Variants in FAAH2 observed in about 807,000 individuals in gnomAD.
The protein encoded by FAAH2 is fatty acid amide hydrolase 2, also known as fatty-acid amide hydrolase 2.
A neutral mutation model predicts 36.9 loss-of-function variants in FAAH2; 60 were observed. The ratio of observed to expected loss-of-function variants is 1.63; its 90% CI spans 1.32 to 2.02. The LOEUF (loss-of-function observed/expected upper bound fraction) is 2.02, where lower values mean the gene tolerates loss of function less well. FAAH2 is among the 30% of genes most tolerant of loss of function. The probability of loss-of-function intolerance (pLI) is 0.00; values close to 1 mark genes in which losing one functional copy is unlikely to be tolerated. For synonymous variants in FAAH2, 214 were observed against 143.8 expected, an observed-to-expected ratio of 1.49 and a Z score of -3.49; for missense variants, 689 against 397.5, an observed-to-expected ratio of 1.73 and a Z score of -6.23.
At chrX:57,459,283 T>G (rs1464856021) in intron 10 of FAAH2, among the ~76,000 whole-genome samples, 1 of 111,896 alleles carries the variant, frequency 8.9e-6, no homozygotes, top group Non-Finnish European at 1.9e-5. Flanking sequence ...TCTAGATTCC[T>G]CCTCACTGGG....
chrX:57,212,585 A>G, the FAAH2 span, among the ~76,000 whole-genome samples: 1 of 112,895 alleles, frequency 8.9e-6, no homozygotes, highest in Non-Finnish European at 1.9e-5. Flanking sequence ...TATATTTGAA[A>G]TCTTCAATAA....
the FAAH2 span, chrX:57,137,017 T>A: frequency 2.4e-6 from 2 of 843,596 alleles, no homozygotes; most frequent in Non-Finnish European, 2.9e-6. Flanking sequence ...CACTTCCCTG[T>A]TACCTACCTC....
Position 57,482,177 on chromosome X carries a change from C to T in FAAH2, c.1424-6580C>T, listed in dbSNP as rs2057392250. ...AGTGGTTCTTAGCTTGCTGGACTCCCTGGCAGTGGGACCTGCTGAGCAACA... is the reference window on the plus strand; with the variant it reads ...AGTGGTTCTTAGCTTGCTGGACTCCTTGGCAGTGGGACCTGCTGAGCAACA... On this transcript the variant is annotated intron_variant, in intron 10 of 10. Transcript: ENST00000374900. Among the ~76,000 whole-genome samples, 3 of 111,840 alleles carry T rather than the reference C, an allele frequency of 2.7e-5. No homozygotes were observed. In the Admixed American group the frequency reaches 2.9e-4, roughly 11 times the overall value.
the FAAH2 span, among the ~76,000 whole-genome samples, chrX:57,162,970 C>T: frequency 2.7e-5 from 3 of 112,277 alleles, no homozygotes; most frequent in South Asian, 3.7e-4. Context: ...TTCTGTTCTG[C>T]TTTTTCCCCA....
chrX:57,290,354 A>G, intron 1 of FAAH2: 1 of 642,241 alleles, frequency 1.6e-6, no homozygotes, highest in Non-Finnish European at 1.9e-6. Context: ...CTCTGTATAC[A>G]CTAGACTATT....
chrX:57,379,531 G>A (rs866796789), intron 6 of FAAH2, among the ~76,000 whole-genome samples: 1 of 102,589 alleles, frequency 9.7e-6, no homozygotes. Context: ...TGTCTCTCTC[G>A]CTCTCTCTCT....
chrX:57,264,729 A>G, the FAAH2 span, among the ~76,000 whole-genome samples: 3 of 112,455 alleles, frequency 2.7e-5, no homozygotes, highest in African/African-American at 9.7e-5. Context: ...ACACGCATGC[A>G]CACATGTGTT....
At chrX:57,413,478 G>A (rs2147039652) in intron 7 of FAAH2, among the ~76,000 whole-genome samples, 1 of 111,919 alleles carries the variant, frequency 8.9e-6, no homozygotes, top group East Asian at 2.8e-4. Flanking sequence ...ATTTAATAGG[G>A]AATCCTTTCC....
At chrX:57,479,024 G>T (rs1323634957) in intron 10 of FAAH2, among the ~76,000 whole-genome samples, 2 of 111,584 alleles carry the variant, frequency 1.8e-5, no homozygotes, top group African/African-American at 3.3e-5. Context: ...ATTCTGTGAA[G>T]AAAGACATTG....
the FAAH2 span, among the ~76,000 whole-genome samples, chrX:57,279,572 C>T: frequency 9.0e-6 from 1 of 111,067 alleles, no homozygotes; most frequent in Non-Finnish European, 1.9e-5. Context: ...ACGTTCTGCA[C>T]ATGTAACCCC....
At chrX:57,420,000 C>G (rs191471772) in intron 7 of FAAH2, among the ~76,000 whole-genome samples, 4 of 111,458 alleles carry the variant, frequency 3.6e-5, no homozygotes, top group East Asian at 2.8e-4. Flanking sequence ...TCTGGTTTTT[C>G]TCAGGTTTGT....
chrX:57,277,811 C>T, the FAAH2 span, among the ~76,000 whole-genome samples: 1 of 111,417 alleles, frequency 9.0e-6, no homozygotes, highest in Non-Finnish European at 1.9e-5. Flanking sequence ...CAAGAGTGAA[C>T]TCCCATTCAC....
In FAAH2 at chrX:57,341,347, G is replaced by T; in HGVS notation, c.699G>T (p.Met233Ile). 8.3e-7 allele frequency: 1 copy of T among 1,210,454 alleles called. No homozygotes were observed. The highest frequency in any genetic ancestry group is 1.1e-6 in the Non-Finnish European group (1 of 894,706). The stretch of plus-strand genomic sequence containing the variant: ...CTGATATTGGTGGTAGCATTCGAAT[G>T]CCTGCTTTCTTCAATGGTATATTTG... ...VGSDIGGSIR[M>I]PAFFNGIFGH... The change falls in exon 5 of 11, where the codon ATG becomes ATT. Residue 233 changes from methionine to isoleucine, a missense_variant. Coordinates refer to ENST00000374900, the MANE Select transcript of FAAH2 (RefSeq NM_174912.4).
chrX:57,472,870 T>C (rs1452925421), intron 10 of FAAH2, among the ~76,000 whole-genome samples: 3 of 111,526 alleles, frequency 2.7e-5, no homozygotes, highest in Admixed American at 1.9e-4. Context: ...AGTTGTAATA[T>C]CACCTTCATC....
At chrX:57,434,967 G>C (rs2056379344) in intron 8 of FAAH2, among the ~76,000 whole-genome samples, 1 of 111,081 alleles carries the variant, frequency 9.0e-6, no homozygotes. Context: ...AATGGAATGG[G>C]ATTTACAAAT....
At chrX:57,418,432 T>C (rs1271566313) in intron 7 of FAAH2, among the ~76,000 whole-genome samples, 2 of 111,097 alleles carry the variant, frequency 1.8e-5, no homozygotes, top group Non-Finnish European at 3.8e-5. Context: ...GGGGCCGTAT[T>C]GCACCATCCC....
chrX:57,237,560 G>A, the FAAH2 span, among the ~76,000 whole-genome samples: 6 of 110,098 alleles, frequency 5.4e-5, no homozygotes, highest in Non-Finnish European at 1.1e-4. Flanking sequence ...TATCTATTCT[G>A]ACACCTCTCT....
chrX:57,388,235 G>T (rs773312508), intron 7 of FAAH2, among the ~76,000 whole-genome samples: 1 of 110,931 alleles, frequency 9.0e-6, no homozygotes, highest in Non-Finnish European at 1.9e-5. Context: ...CCACTTTCAG[G>T]TTCAATATAA....
Position 57,381,023 on chromosome X carries a change from GA to G in FAAH2, c.995del (p.Lys332ArgfsTer10). ...KVDQDLIMTQKKVVVHLETIL... is the reference protein window; with the variant it reads ...KVDQDLIMTQXKVVVHLETIL... ...TGGACCAAGATCTCATTATGACTCA[GA>G]AAAAGGTAATTTTAAATAAAATTTG... On this transcript the variant is annotated frameshift_variant, in exon 7 of 11. Coordinates refer to ENST00000374900, the MANE Select transcript of FAAH2 (RefSeq NM_174912.4). LOFTEE classifies it high-confidence loss of function. The G allele has an allele frequency of 8.6e-7, 1 of 1,160,425 alleles. No individual in the cohort carries two copies. Among genetic ancestry groups the G allele is most frequent in the Admixed American group, 2.4e-5 (1 of 42,252 alleles).
Sources: allele counts gnomAD v4.1 joint callset (sites outside exome capture counted in the v4.1 genomes callset), GRCh38; gene constraint gnomAD v4.1.1; transcripts MANE v1.5; gene names NCBI Gene and HGNC (gene_info 2026-07-23, HGNC 2026-07-21).